CDKN2B-AS1: variants seen among roughly 807,000 people sequenced by gnomAD.
CDKN2B-AS1 encodes CDKN2B antisense RNA 1 (non-protein coding).
At chr9:22,057,628 G>T (rs1489004227) in intron 4 of CDKN2B-AS1, among the ~76,000 whole-genome samples, 1 of 152,044 alleles carries the variant, frequency 6.6e-6, no homozygotes, top group Non-Finnish European at 1.5e-5. Flanking sequence ...GGGCAACATG[G>T]TGTAAACCCC....
At chr9:22,034,088 C>G (rs1008516730) in intron 1 of CDKN2B-AS1, among the ~76,000 whole-genome samples, 1 of 152,144 alleles carries the variant, frequency 6.6e-6, no homozygotes, top group African/African-American at 2.4e-5. Flanking sequence ...TGAATAGATA[C>G]AGATACAATG....
chr9:22,002,684 A>G (rs754746220), intron 1 of CDKN2B-AS1, among the ~76,000 whole-genome samples: 2 of 152,074 alleles, frequency 1.3e-5, no homozygotes, highest in Admixed American at 1.3e-4. Flanking sequence ...AAATATCATG[A>G]AAGTATTCCT....
At chr9:22,022,091 A>G (rs1822041310) in intron 1 of CDKN2B-AS1, among the ~76,000 whole-genome samples, 1 of 152,104 alleles carries the variant, frequency 6.6e-6, no homozygotes, top group Non-Finnish European at 1.5e-5. Context: ...GATCAATTTT[A>G]GAGTATGTGC....
chr9:22,009,268 C>G (rs776973752), intron 1 of CDKN2B-AS1: 1 of 516,020 alleles, frequency 1.9e-6, no homozygotes, highest in Non-Finnish European at 3.5e-6. Flanking sequence ...GCGGACGCGT[C>G]GCGGAGTCCT....
At chr9:22,051,825 C>T (rs533942437) in intron 3 of CDKN2B-AS1, among the ~76,000 whole-genome samples, 1 of 152,248 alleles carries the variant, frequency 6.6e-6, no homozygotes, top group Non-Finnish European at 1.5e-5. Flanking sequence ...TTGTTTTCAG[C>T]CTGCATATAC....
At chr9:22,022,141 A>G (rs1339701164) in intron 1 of CDKN2B-AS1, among the ~76,000 whole-genome samples, 1 of 151,492 alleles carries the variant, frequency 6.6e-6, no homozygotes, top group Non-Finnish European at 1.5e-5. Context: ...GTTGTTTTTC[A>G]CTGGAGAGTT....
chr9:22,122,240 T>C (rs1826118345), intron 4 of CDKN2B-AS1, among the ~76,000 whole-genome samples: 2 of 152,032 alleles, frequency 1.3e-5, no homozygotes, highest in Admixed American at 1.3e-4. Flanking sequence ...TCCTACTCTT[T>C]AATTAGATTG....
intron 4 of CDKN2B-AS1, among the ~76,000 whole-genome samples, chr9:22,084,965 C>T (rs1161033285): frequency 2.0e-5 from 3 of 152,068 alleles, no homozygotes; most frequent in Non-Finnish European, 2.9e-5. Context: ...TAAGATAACA[C>T]GAACACCCAG....
chr9:22,078,392 T>G (rs1337156601), intron 4 of CDKN2B-AS1, among the ~76,000 whole-genome samples: 1 of 152,220 alleles, frequency 6.6e-6, no homozygotes, highest in African/African-American at 2.4e-5. Context: ...CTGAAATGTT[T>G]CTCACTTGTT....
intron 4 of CDKN2B-AS1, among the ~76,000 whole-genome samples, chr9:22,074,410 C>G (rs1299857044): frequency 1.3e-5 from 2 of 152,144 alleles, no homozygotes; most frequent in Non-Finnish European, 2.9e-5. Context: ...AAACTATCAC[C>G]ACATAAAGTC....
At chr9:22,084,501 T>C (rs542961764) in intron 4 of CDKN2B-AS1, among the ~76,000 whole-genome samples, 1 of 152,300 alleles carries the variant, frequency 6.6e-6, no homozygotes, top group South Asian at 2.1e-4. Flanking sequence ...TCAAAGCACC[T>C]TTCAGCCTTT....
At chr9:22,026,403 C>T (rs544812973) in intron 1 of CDKN2B-AS1, among the ~76,000 whole-genome samples, 1 of 152,322 alleles carries the variant, frequency 6.6e-6, no homozygotes, top group South Asian at 2.1e-4. Context: ...AGCAACTGTG[C>T]TGTGCTGGGG....
chr9:22,002,557 TG>T lies in CDKN2B-AS1; in HGVS notation n.29+7397del, dbSNP rs3217995. Among the ~76,000 whole-genome samples the T allele has an allele frequency of 9.1e-3, 1,383 of 152,094 alleles. 112 individuals are homozygous for T. In the East Asian group the frequency reaches 0.2, roughly 22 times the overall value. On this transcript the variant is annotated intron_variant and non_coding_transcript_variant, in intron 1 of 4. Transcript: ENST00000650946. ...TTCAAAAAAGGGAGGGCAATCTCAG[TG>T]TAAGTGTAAATGAAATTAGTTTTTG...
intron 4 of CDKN2B-AS1, among the ~76,000 whole-genome samples, chr9:22,092,751 T>A (rs187258140): frequency 1.4e-4 from 22 of 152,286 alleles, no homozygotes; most frequent in African/African-American, 5.1e-4. Flanking sequence ...CTATCAATTT[T>A]GTTGATCTTT....
At chr9:22,042,278 A>G (rs1163850853) in intron 1 of CDKN2B-AS1, among the ~76,000 whole-genome samples, 5 of 152,226 alleles carry the variant, frequency 3.3e-5, no homozygotes, top group Admixed American at 1.3e-4. Context: ...ATATTTACCA[A>G]CCATGTTTCA....
intron 4 of CDKN2B-AS1, among the ~76,000 whole-genome samples, chr9:22,057,471 T>C (rs1823620296): frequency 1.3e-5 from 2 of 152,146 alleles, no homozygotes; most frequent in Non-Finnish European, 2.9e-5. Flanking sequence ...AGGATATTTC[T>C]GCTGGCCACA....
At chr9:22,112,054 A>T (rs1825818043) in intron 4 of CDKN2B-AS1, 1 of 152,208 alleles carries the variant, frequency 6.6e-6, no homozygotes. Flanking sequence ...TTCAAAGGAA[A>T]ACAAAGTAAA....
At chr9:22,103,567 T>C (rs757671178) in intron 4 of CDKN2B-AS1, among the ~76,000 whole-genome samples, 12 of 152,142 alleles carry the variant, frequency 7.9e-5, no homozygotes, top group Non-Finnish European at 4.4e-5. Flanking sequence ...CAGAAATCTT[T>C]CTAAACCTCA....
intron 1 of CDKN2B-AS1, chr9:22,029,406 A>T: frequency 1.3e-6 from 1 of 779,272 alleles, no homozygotes; most frequent in South Asian, 1.3e-5. Context: ...TTGTCTGACA[A>T]ATCCAGATTT....
Sources: allele counts gnomAD v4.1 joint callset (sites outside exome capture counted in the v4.1 genomes callset), GRCh38; gene constraint gnomAD v4.1.1; transcripts MANE v1.5; gene names NCBI Gene and HGNC (gene_info 2026-07-23, HGNC 2026-07-21).